The following PRPF8 variants were observed in gnomAD, a reference collection of about 807,000 sequenced individuals.
The protein encoded by PRPF8 is pre-mRNA processing factor 8.
Under a neutral mutation model 285.9 loss-of-function variants are expected in PRPF8, and 64 were observed. That is an observed-to-expected ratio of 0.22 (90% CI 0.18 to 0.28). PRPF8 has a LOEUF of 0.28. PRPF8 is among the 10% of genes least tolerant of loss of function. The pLI is 1.00. For synonymous variants in PRPF8, 1,325 were observed against 1,118.2 expected (o/e 1.18, Z -3.69); for missense variants, 1,426 against 3,026.7 (o/e 0.47, Z 12.41).
In PRPF8 at chr17:1,670,727, TC is replaced by T. The variant is rs368030368; in HGVS notation, c.3774+2353del. Among the ~76,000 whole-genome samples the T allele has an allele frequency of 4.9e-3, 747 of 152,264 alleles. 6 individuals carry two copies. Among genetic ancestry groups the T allele is most frequent in the African/African-American group, 0.017 (708 of 41,548 alleles). On this transcript the variant is annotated intron_variant, in intron 24 of 42. Coordinates refer to ENST00000304992, the MANE Select transcript of PRPF8 (RefSeq NM_006445.4). ...GTCTCAAACTCCTGACCTCAGGTGA[TC>T]CACCTGCCTGGGCCTCCCAAAGTGC...
chr17:1,681,864 C>A lies in PRPF8; in HGVS notation c.609G>T (p.Val203=). The change falls in exon 5 of 43, where the codon GTG becomes GTT. Residue 203 remains valine (V), a synonymous_variant. Coordinates refer to ENST00000304992, the MANE Select transcript of PRPF8 (RefSeq NM_006445.4). ...GCTGGTGGTCATAGAACCAGTCCAA[C>A]ACAGGGGCGTCCTCCTCAGGGTCCA... ...LELDPEEDAP[V]LDWFYDHQPL... is the part of the protein sequence containing the mutation. 1 of 1,614,086 alleles carries A rather than the reference C, an allele frequency of 6.2e-7. No individual in the cohort carries two copies. Among genetic ancestry groups the A allele is most frequent in the Non-Finnish European group, 8.5e-7 (1 of 1,180,012 alleles).
At chr17:1,668,351 A>ATTT (rs1912107653) in intron 24 of PRPF8, among the ~76,000 whole-genome samples, 1 of 132,104 alleles carries the variant, frequency 7.6e-6, no homozygotes, top group African/African-American at 2.8e-5. Context: ...GGGGTCTAGC[A>ATTT]TTCTTTTTTT....
In PRPF8 at chr17:1,676,083, G is replaced by A. The variant is rs375728950; in HGVS notation, c.2553-29C>T. On this transcript the variant is annotated intron_variant, in intron 17 of 42. Transcript: ENST00000304992. The surrounding 1 kb of genome is among the most constrained non-coding windows in gnomAD (Gnocchi z 6.3). ...ACAAAAGCAATGGGAAGGGTGAATG[G>A]GAAAACTAGGAGGAAGTAAAACCAG... The A allele has an allele frequency of 1.8e-5, 29 of 1,612,366 alleles. No individual in the cohort carries two copies. In the African/African-American group the frequency reaches 2.9e-4, roughly 16 times the overall value.
chr17:1,677,768 T>G (rs1397425805), intron 13 of PRPF8, 74 bp from the exon 14 acceptor site: 23 of 1,587,642 alleles, frequency 1.4e-5, no homozygotes, highest in Non-Finnish European at 1.8e-5. Context: ...TGGGCAGAGG[T>G]GGGGCATATA....
In PRPF8 at chr17:1,659,276, G is replaced by T; in HGVS notation, c.5138+81C>A. ...CCTGAGCTCAGACAATCTGCCCACC[G>T]CGGCCTCCCAAAGTGCTGGGATTAC... On this transcript the variant is annotated intron_variant, in intron 32 of 42. Coordinates refer to ENST00000304992, the MANE Select transcript of PRPF8 (RefSeq NM_006445.4). This position sits in a 1 kb window ranked among gnomAD's most constrained non-coding sequence, Gnocchi z 5.1. The T allele has an allele frequency of 6.7e-7, 1 of 1,495,820 alleles. No individual in the cohort carries two copies. Among genetic ancestry groups the T allele is most frequent in the African/African-American group, 1.4e-5 (1 of 72,544 alleles). 92.7% of individuals were successfully genotyped at this position (1,495,820 alleles called of 1,614,324 possible).
rs1307717193 is a variant in PRPF8, at chr17:1,651,863, C to T, written c.6370-75G>A. 6.5e-7 allele frequency: 1 copy of T among 1,538,946 alleles called. No homozygotes were observed. The highest frequency in any genetic ancestry group is 9.0e-7 in the Non-Finnish European group (1 of 1,115,620). On this transcript the variant is annotated intron_variant, in intron 39 of 42. Transcript: ENST00000304992. This position sits in a 1 kb window ranked among gnomAD's most constrained non-coding sequence, Gnocchi z 5.1. The stretch of plus-strand genomic sequence containing the variant: ...AGTTGGAGCTGCCAGCCCTCTGTTT[C>T]CTTCCTTCCCCCAAGAACGAGGACA...
intron 21 of PRPF8, 120 bp from the exon 22 acceptor site, chr17:1,674,012 C>G (rs906588997): frequency 9.3e-7 from 1 of 1,073,460 alleles, no homozygotes; most frequent in Non-Finnish European, 1.4e-6. Flanking sequence ...CCCCGGGCTT[C>G]ATTCCATTTT....
chr17:1,651,600 A>T lies in PRPF8; in HGVS notation c.6511-47T>A, dbSNP rs780836561. 7.4e-6 allele frequency: 12 copies of T among 1,614,130 alleles called. No individual in the cohort carries two copies. The highest frequency in any genetic ancestry group is 6.7e-5 in the African/African-American group (5 of 75,028). ...GAGCTGAATCCCATCCACAGACAGG[A>T]ATCGCACCAGCTTTTCCACACTCCC... On this transcript the variant is annotated intron_variant, in intron 40 of 42. Coordinates refer to ENST00000304992, the MANE Select transcript of PRPF8 (RefSeq NM_006445.4). This position sits in a 1 kb window ranked among gnomAD's most constrained non-coding sequence, Gnocchi z 5.1.
In PRPF8 at chr17:1,679,227, G is replaced by A. The variant is rs368039857; in HGVS notation, c.1410-21C>T. On this transcript the variant is annotated intron_variant, in intron 10 of 42. Coordinates refer to ENST00000304992, the MANE Select transcript of PRPF8 (RefSeq NM_006445.4). The surrounding 1 kb of genome is among the most constrained non-coding windows in gnomAD (Gnocchi z 4.7). Reference sequence around the variant, plus strand: ...AATACCTGAGGTGGGAACATGGAGAGTAAGAGTCAGCCTACTGATATCTCT... The same window carrying A: ...AATACCTGAGGTGGGAACATGGAGAATAAGAGTCAGCCTACTGATATCTCT... The A allele has an allele frequency of 2.1e-5, 34 of 1,614,112 alleles. No homozygotes were observed. The highest frequency in any genetic ancestry group is 5.3e-5 in the African/African-American group (4 of 74,944).
chr17:1,681,527 T>C lies in PRPF8; in HGVS notation c.817A>G (p.Ile273Val). 1 of 1,612,902 alleles carries C rather than the reference T, an allele frequency of 6.2e-7. No homozygotes were observed. Among genetic ancestry groups the C allele is most frequent in the Non-Finnish European group, 8.5e-7 (1 of 1,178,870 alleles). ...FFTSKALNMAIPGGPKFEPLV... is the reference protein window; with the variant it reads ...FFTSKALNMAVPGGPKFEPLV... ...GGTTCAAATTTGGGGCCTCCAGGAA[T>C]GGCCATATTGAGTGCCTTGGACGTA... The change falls in exon 6 of 43, where the codon ATT (isoleucine) becomes GTT (valine). Residue 273 changes from isoleucine to valine, a missense_variant. Ile to Val is a conservative substitution (Grantham distance 29). Transcript: ENST00000304992.
In PRPF8 at chr17:1,673,228, G is replaced by A. The variant is rs112899225; in HGVS notation, c.3658-31C>T. The A allele has an allele frequency of 2.0e-5, 32 of 1,610,730 alleles. No homozygotes were observed. The highest frequency in any genetic ancestry group is 8.3e-5 in the Admixed American group (5 of 59,974). On this transcript the variant is annotated intron_variant, in intron 23 of 42. Transcript: ENST00000304992. This position sits in a 1 kb window ranked among gnomAD's most constrained non-coding sequence, Gnocchi z 5.5. ...CCACAAAGTCAAGGTTAACATGTCC[G>A]AGGAACTCCCACAGAAGCAAGAGCC...
chr17:1,676,791 G>A lies in PRPF8; in HGVS notation c.2182-80C>T. 1.9e-6 allele frequency: 3 copies of A among 1,540,084 alleles called. No individual in the cohort carries two copies. In the South Asian group the frequency reaches 3.3e-5, roughly 17 times the overall value. On this transcript the variant is annotated intron_variant, in intron 15 of 42. Coordinates refer to ENST00000304992, the MANE Select transcript of PRPF8 (RefSeq NM_006445.4). The surrounding 1 kb of genome is among the most constrained non-coding windows in gnomAD (Gnocchi z 6.3). ...CATCTGTAGTCCCGGCTACTCAGGA[G>A]GCTAAGGAGGATCGCTTGAGCTCAG...
intron 37 of PRPF8, chr17:1,654,467 G>A: frequency 3.3e-6 from 1 of 305,180 alleles, no homozygotes; most frequent in Admixed American, 4.6e-5. Flanking sequence ...GGTCTCGGAT[G>A]TTCAAAATTC....
At chr17:1,660,643 G>C in intron 29 of PRPF8, 55 bp downstream of exon 29, 1 of 1,614,200 alleles carries the variant, frequency 6.2e-7, no homozygotes, top group Non-Finnish European at 8.5e-7. Flanking sequence ...ACATAACCAA[G>C]GCAAGAAGCA....
At position 1,680,850 on chromosome 17, in the gene PRPF8, TCAGC is replaced by T; in HGVS notation, c.993-23_993-20del. On this transcript the variant is annotated intron_variant, in intron 7 of 42. Coordinates refer to ENST00000304992, the MANE Select transcript of PRPF8 (RefSeq NM_006445.4). ...ATGGTACCTAAAATGAAAGGAAGAG[TCAGC>T]CAAAGTTTTCCCGCCCTGGCCCAAC... 1 of 1,613,772 alleles carries T rather than the reference TCAGC, an allele frequency of 6.2e-7. No homozygotes were observed. Among genetic ancestry groups the T allele is most frequent in the South Asian group, 1.1e-5 (1 of 91,072 alleles).
chr17:1,676,474 C>T lies in PRPF8; in HGVS notation c.2388+31G>A, dbSNP rs199940806. 761 of 1,614,006 alleles carry T rather than the reference C, an allele frequency of 4.7e-4. 2 individuals are homozygous for T. The highest frequency in any genetic ancestry group is 5.8e-4 in the Non-Finnish European group (685 of 1,180,038). ...CTCCCTCTTGCCCACTCCCCCACCACTCACACCCAGCCCAGCCTACTCTGC... is the reference window on the plus strand; with the variant it reads ...CTCCCTCTTGCCCACTCCCCCACCATTCACACCCAGCCCAGCCTACTCTGC... On this transcript the variant is annotated intron_variant, in intron 16 of 42. Transcript: ENST00000304992. This position sits in a 1 kb window ranked among gnomAD's most constrained non-coding sequence, Gnocchi z 6.3.
intron 24 of PRPF8, among the ~76,000 whole-genome samples, chr17:1,663,546 TA>T (rs202128186): frequency 0.025 from 3,790 of 150,904 alleles, 65 homozygotes; most frequent in Middle Eastern, 0.041. Context: ...CCGTCTCTAC[TA>T]AAAATACAAA....
At position 1,678,752 on chromosome 17, in the gene PRPF8, C is replaced by T; in HGVS notation, c.1719+10G>A. ...TCACCCAGGCAGGGGTTGGGAATAC[C>T]TAACCTTACCTGGAAGGCATCCACA... is the stretch of plus-strand genomic sequence containing the variant. On this transcript the variant is annotated intron_variant, in intron 12 of 42. Coordinates refer to ENST00000304992, the MANE Select transcript of PRPF8 (RefSeq NM_006445.4). 6.2e-7 allele frequency: 1 copy of T among 1,614,046 alleles called. No homozygotes were observed. The highest frequency in any genetic ancestry group is 1.3e-5 in the African/African-American group (1 of 75,056).
In PRPF8 at chr17:1,679,023, G is replaced by A. The variant is rs781150319; in HGVS notation, c.1593C>T (p.Thr531=). The part of the protein sequence containing the change: ...NFNLKPVKTL[T]TKERKKSRFG... The stretch of plus-strand genomic sequence containing the variant: ...TAGGGTCCAATGCAGGCACCTTGGT[G>A]GTGAGCGTTTTCACAGGCTTGAGGT... The change falls in exon 11 of 43, where the codon ACC becomes ACT. Residue 531 remains threonine (T), a synonymous_variant. Coordinates refer to ENST00000304992, the MANE Select transcript of PRPF8 (RefSeq NM_006445.4). This position sits in a 1 kb window ranked among gnomAD's most constrained non-coding sequence, Gnocchi z 4.7. 1.9e-6 allele frequency: 3 copies of A among 1,614,114 alleles called. No homozygotes were observed. Among genetic ancestry groups the A allele is most frequent in the Admixed American group, 1.7e-5 (1 of 60,014 alleles).
Sources: gnomAD v4.1 joint callset for allele counts (sites outside exome capture counted in the v4.1 genomes callset) on GRCh38, gnomAD v4.1.1 for gene constraint, Gnocchi (gnomAD v3.1) non-coding constraint, MANE v1.5 for transcripts, NCBI Gene and HGNC (gene_info 2026-07-23, HGNC 2026-07-21) for gene names.